The following MYO1E variants were observed in gnomAD, a reference collection of about 807,000 sequenced individuals.
MYO1E encodes myosin IE, also known as unconventional myosin-Ie.
In MYO1E, 68 loss-of-function variants were observed where a neutral mutation model predicts 151.1. The observed-to-expected ratio is 0.45, with a 90% CI of 0.37 to 0.55. The LOEUF is 0.55. MYO1E is among the 20% of genes least tolerant of loss of function. The pLI is 0.00. For synonymous variants in MYO1E, 601 were observed against 501.7 expected, an observed-to-expected ratio of 1.20 and a Z score of -2.64; for missense variants, 1,363 against 1,389.3, an observed-to-expected ratio of 0.98 and a Z score of 0.30.
intron 1 of MYO1E, among the ~76,000 whole-genome samples, chr15:59,352,539 A>G (rs1326650389): frequency 2.0e-5 from 3 of 152,216 alleles, no homozygotes; most frequent in African/African-American, 7.2e-5. Flanking sequence ...AGCAGACCTT[A>G]GATTCAGATG....
In MYO1E at chr15:59,136,459, C is replaced by G. The variant is rs4218; in HGVS notation, c.*921G>C. ...GTTGAGAAGAGTCTGCAGGGACTGA[C>G]CTAGAAAGCAGTGACACTCCGTAGT... On this transcript the variant is annotated 3_prime_UTR_variant, in exon 28 of 28. Transcript: ENST00000288235. 97,431 of 280,854 alleles carry G rather than the reference C, an allele frequency of 0.35. 17,653 individuals carry two copies. Among genetic ancestry groups the G allele is most frequent in the East Asian group, 0.45 (5,298 of 11,886 alleles). 17.4% of individuals were successfully genotyped at this position (280,854 alleles called of 1,614,324 possible).
Position 59,188,172 on chromosome 15 carries a change from C to G in MYO1E, c.1850G>C (p.Arg617Pro). 6.2e-7 allele frequency: 1 copy of G among 1,614,134 alleles called. No individual in the cohort carries two copies. The highest frequency in any genetic ancestry group is 1.1e-5 in the South Asian group (1 of 91,072). Reference protein sequence around the residue: ...VEYLGLKENIRVRRAGYAYRR... With the variant: ...VEYLGLKENIPVRRAGYAYRR... ...ATAGGCATAGCCAGCTCTTCTCACTCGAATGTTCTCTTTCAGACCCAAATA... is the reference window on the plus strand; with the variant it reads ...ATAGGCATAGCCAGCTCTTCTCACTGGAATGTTCTCTTTCAGACCCAAATA... The change falls in exon 18 of 28, where the codon CGA becomes CCA. Residue 617 changes from arginine to proline, a missense_variant. Coordinates refer to ENST00000288235, the MANE Select transcript of MYO1E (RefSeq NM_004998.4).
chr15:59,133,637 T>C lies in MYO1E; in HGVS notation c.*3743A>G, dbSNP rs1283588384. ...AGCAAAACAGGGAAAGAGGGCAGAA[T>C]TGCAGAAAGGCTCCTCTGGTCTTTC... On this transcript the variant is annotated 3_prime_UTR_variant, in exon 28 of 28. Transcript: ENST00000288235. The C allele has an allele frequency of 6.6e-6, 1 of 152,124 alleles. No homozygotes were observed. Among genetic ancestry groups the C allele is most frequent in the African/African-American group, 2.4e-5 (1 of 41,426 alleles). The allele number at this position is 152,124 out of a possible 1,614,324, so 9.4% of individuals were successfully genotyped here.
chr15:59,138,243 C>G lies in MYO1E; in HGVS notation c.3205G>C (p.Glu1069Gln). The G allele has an allele frequency of 6.2e-7, 1 of 1,614,182 alleles. No homozygotes were observed. The highest frequency in any genetic ancestry group is 8.5e-7 in the Non-Finnish European group (1 of 1,180,042). ...ATGTCATTGGCATTAAAGCTGAGTT[C>G]GTCTGTGTCCTGAGCGTCATAGGCA... ...LYAYDAQDTD[E>Q]LSFNANDIID... The change falls in exon 27 of 28, where the codon GAA (glutamate) becomes CAA (glutamine). Residue 1069 changes from glutamate (E) to glutamine (Q), a missense_variant. By Grantham distance (29) the Glu-to-Gln change is conservative (BLOSUM62 2). Coordinates refer to ENST00000288235, the MANE Select transcript of MYO1E (RefSeq NM_004998.4).
At chr15:59,346,513 A>AT (rs1168943964) in intron 1 of MYO1E, among the ~76,000 whole-genome samples, 1 of 152,220 alleles carries the variant, frequency 6.6e-6, no homozygotes, top group Admixed American at 6.5e-5. Flanking sequence ...ATGACATGAT[A>AT]TCCATTAAAT....
chr15:59,281,033 A>G (rs2080350246), intron 1 of MYO1E, among the ~76,000 whole-genome samples: 1 of 152,140 alleles, frequency 6.6e-6, no homozygotes, highest in South Asian at 2.1e-4. Context: ...CTGGATGACA[A>G]GCTGCCCAAG....
chr15:59,299,304 T>A (rs1168830217), intron 1 of MYO1E, among the ~76,000 whole-genome samples: 5 of 152,214 alleles, frequency 3.3e-5, no homozygotes, highest in Admixed American at 2.6e-4. Context: ...CCCTCCAAAA[T>A]TCCTCAGGCT....
At chr15:59,244,769 C>T (rs1267699606) in intron 4 of MYO1E, among the ~76,000 whole-genome samples, 1 of 152,156 alleles carries the variant, frequency 6.6e-6, no homozygotes, top group Non-Finnish European at 1.5e-5. Flanking sequence ...TAGGGGACAG[C>T]AATACCTAGT....
chr15:59,287,898 G>A (rs957540034), intron 1 of MYO1E, among the ~76,000 whole-genome samples: 7 of 152,228 alleles, frequency 4.6e-5, no homozygotes, highest in East Asian at 1.9e-4. Flanking sequence ...CAGAAAATGC[G>A]TGAATGAATG....
chr15:59,249,988 A>C (rs924395388), intron 4 of MYO1E, among the ~76,000 whole-genome samples: 4 of 151,930 alleles, frequency 2.6e-5, no homozygotes, highest in Non-Finnish European at 5.9e-5. Context: ...CAAGGCCCAG[A>C]CAGGTGTGAG....
rs777593286 is a variant in MYO1E, at chr15:59,272,376, A to G, written c.77T>C (p.Leu26Pro). Reference sequence around the variant, plus strand: ...GGAGTTCTCTGTGATCTTGGACAGTAGCACCATGTCGTCCACACCACTGTG... The same window carrying G: ...GGAGTTCTCTGTGATCTTGGACAGTGGCACCATGTCGTCCACACCACTGTG... ...VKHSGVDDMVLLSKITENSIV... is the reference protein window; with the variant it reads ...VKHSGVDDMVPLSKITENSIV... Residue 26 changes from leucine to proline, a missense_variant, in exon 2 of 28, where the codon CTA becomes CCA. By Grantham distance (98) the Leu-to-Pro change is moderately conservative. Coordinates refer to ENST00000288235, the MANE Select transcript of MYO1E (RefSeq NM_004998.4). 1.2e-6 allele frequency: 2 copies of G among 1,614,110 alleles called. No individual in the cohort carries two copies. The highest frequency in any genetic ancestry group is 1.1e-5 in the South Asian group (1 of 91,080).
At chr15:59,137,932 A>G (rs1290850369) in intron 27 of MYO1E, among the ~76,000 whole-genome samples, 3 of 152,208 alleles carry the variant, frequency 2.0e-5, no homozygotes, top group Non-Finnish European at 4.4e-5. Flanking sequence ...ACATGGTTTG[A>G]TATGTTGGCC....
chr15:59,171,501 T>TG (rs2079594011), intron 22 of MYO1E, among the ~76,000 whole-genome samples: 1 of 152,182 alleles, frequency 6.6e-6, no homozygotes, highest in South Asian at 2.1e-4. Flanking sequence ...CAGGACCCTC[T>TG]GCTCAGGGAA....
At chr15:59,351,431 GAGA>G (rs1330190408) in intron 1 of MYO1E, among the ~76,000 whole-genome samples, 8 of 152,220 alleles carry the variant, frequency 5.3e-5, no homozygotes, top group African/African-American at 9.6e-5. Context: ...GAATTTATTT[GAGA>G]AGGACTACTG....
intron 10 of MYO1E, among the ~76,000 whole-genome samples, chr15:59,215,382 T>G (rs909510762): frequency 2.3e-4 from 35 of 152,208 alleles, no homozygotes; most frequent in African/African-American, 8.2e-4. Flanking sequence ...ATTTTCCACA[T>G]GGATACACCA....
At chr15:59,195,047 G>A (rs1339223656) in intron 17 of MYO1E, among the ~76,000 whole-genome samples, 1 of 152,142 alleles carries the variant, frequency 6.6e-6, no homozygotes, top group East Asian at 1.9e-4. Context: ...ATTTCCATCA[G>A]CTCTTACGCC....
intron 16 of MYO1E, among the ~76,000 whole-genome samples, chr15:59,198,894 C>T (rs568779882): frequency 1.2e-4 from 19 of 152,114 alleles, no homozygotes; most frequent in African/African-American, 4.1e-4. Context: ...CCTGTACTTC[C>T]TCTGTCATGT....
intron 4 of MYO1E, among the ~76,000 whole-genome samples, chr15:59,253,186 CAATT>C (rs2080174991): frequency 6.6e-6 from 1 of 152,188 alleles, no homozygotes; most frequent in South Asian, 2.1e-4. Flanking sequence ...GCTAGGGCAA[CAATT>C]AATTGTTTTG....
At position 59,279,635 on chromosome 15, in the gene MYO1E, T is replaced by C. The variant is rs189127024; in HGVS notation, c.4-7186A>G. 7.9e-5 allele frequency among the ~76,000 whole-genome samples: 12 copies of C among 152,212 alleles called. No homozygotes were observed. In the East Asian group the frequency reaches 2.1e-3, roughly 27 times the overall value. ...CCCCTGGGCCACTGGGAAGATCAAA[T>C]AAGACTGACCATCAAACCACCCCCA... is the stretch of plus-strand genomic sequence containing the variant. On this transcript the variant is annotated intron_variant, in intron 1 of 27. Transcript: ENST00000288235.
Sources: allele counts gnomAD v4.1 joint callset (sites outside exome capture counted in the v4.1 genomes callset), GRCh38; gene constraint gnomAD v4.1.1; transcripts MANE v1.5; gene names NCBI Gene and HGNC (gene_info 2026-07-23, HGNC 2026-07-21).